Variants in TAX1BP1 observed in about 807,000 individuals in gnomAD.
The protein encoded by TAX1BP1 is tax1-binding protein 1.
A neutral mutation model predicts 97.7 loss-of-function variants in TAX1BP1; 62 were observed. The ratio of observed to expected loss-of-function variants is 0.63; its 90% confidence interval spans 0.52 to 0.78. The LOEUF is 0.78. TAX1BP1 is among the 30% of genes least tolerant of loss of function. TAX1BP1 has a pLI of 0.00. For missense variants in TAX1BP1, 867 were observed against 916.1 expected (o/e 0.95, Z 0.69); for synonymous variants, 340 against 304.2 (o/e 1.12, Z -1.23).
At chr7:27,805,279 T>A (rs1395339202) in intron 13 of TAX1BP1, among the ~76,000 whole-genome samples, 1 of 152,228 alleles carries the variant, frequency 6.6e-6, no homozygotes, top group Admixed American at 6.5e-5. Context: ...ACATCTTATC[T>A]TTTTTGTGAG....
chr7:27,818,635 A>G (rs1374109470), intron 15 of TAX1BP1, among the ~76,000 whole-genome samples: 1 of 152,158 alleles, frequency 6.6e-6, no homozygotes, highest in African/African-American at 2.4e-5. Flanking sequence ...ACTGTGGTCA[A>G]TTGTCAGATC....
rs144315820 is a variant in TAX1BP1, at chr7:27,760,051, G to A, written c.265+1918G>A. 2.0e-3 allele frequency among the ~76,000 whole-genome samples: 297 copies of A among 151,912 alleles called. 1 individual carries two copies. The highest frequency in any genetic ancestry group is 7.1e-3 in the Admixed American group (108 of 15,242). On this transcript the variant is annotated intron_variant, in intron 3 of 16. Transcript: ENST00000396319. The stretch of plus-strand genomic sequence containing the variant: ...GTATTTTTAATGGAGACGGGGTTTT[G>A]CCATGTTGGCCAGGCTGGTCTCAAA...
At chr7:27,761,840 C>A (rs1006915587) in intron 3 of TAX1BP1, among the ~76,000 whole-genome samples, 1 of 152,040 alleles carries the variant, frequency 6.6e-6, no homozygotes, top group African/African-American at 2.4e-5. Flanking sequence ...TGAGTAAATA[C>A]CAGGGAATGT....
At position 27,816,500 on chromosome 7, in the gene TAX1BP1, A is replaced by G. The variant is rs527909559; in HGVS notation, c.1916A>G (p.Tyr639Cys). The G allele has an allele frequency of 2.1e-5, 33 of 1,539,928 alleles. No individual in the cohort carries two copies. In the East Asian group the frequency reaches 6.9e-4, roughly 32 times the overall value. ...AQPVLQYGNP[Y>C]ASQETRDGAD... ...CCAGTTCTGCAATATGGTAATCCTT[A>G]TGCATCTCAGGAAACAAGAGGTTAT... is the stretch of plus-strand genomic sequence containing the variant. The change falls in exon 14 of 17, where the codon TAT (tyrosine) becomes TGT (cysteine). Residue 639 changes from tyrosine (Y) to cysteine (C), a missense_variant. By Grantham distance (194) the Tyr-to-Cys change is radical (BLOSUM62 -2). This residue lies in a region of TAX1BP1 where 822 missense variants were observed against 851.4 expected (regional missense o/e 0.97). Coordinates refer to ENST00000396319, the MANE Select transcript of TAX1BP1 (RefSeq NM_006024.7).
chr7:27,763,530 G>T (rs1373057136), intron 3 of TAX1BP1, among the ~76,000 whole-genome samples: 1 of 152,142 alleles, frequency 6.6e-6, no homozygotes, highest in African/African-American at 2.4e-5. Context: ...ACTTTGGGAG[G>T]CCGGGGCGGG....
chr7:27,827,642 ATCT>A (rs750304035), intron 15 of TAX1BP1, 93 bp from the exon 16 acceptor site: 28 of 946,244 alleles, frequency 3.0e-5, no homozygotes, highest in African/African-American at 2.5e-4. Flanking sequence ...CTGAAGTGTA[ATCT>A]TCTTTTATAC....
intron 7 of TAX1BP1, among the ~76,000 whole-genome samples, chr7:27,786,796 T>G (rs17613350): frequency 0.14 from 21,162 of 152,192 alleles, 1,728 homozygotes; most frequent in Middle Eastern, 0.19. Context: ...CTCAGTACTC[T>G]TAACGAAAGC....
intron 14 of TAX1BP1, 114 bp from the exon 15 acceptor site, chr7:27,816,776 C>CT: frequency 7.6e-7 from 1 of 1,307,688 alleles, no homozygotes; most frequent in Non-Finnish European, 1.0e-6. Flanking sequence ...ATAAAAACAT[C>CT]TATTTTTTTC....
intron 4 of TAX1BP1, among the ~76,000 whole-genome samples, chr7:27,767,104 A>G (rs567045829): frequency 2.0e-5 from 3 of 152,134 alleles, no homozygotes; most frequent in Non-Finnish European, 2.9e-5. Context: ...TTCTCATTTT[A>G]AGATCACATT....
intron 13 of TAX1BP1, among the ~76,000 whole-genome samples, chr7:27,812,698 C>T (rs1210494039): frequency 6.6e-6 from 1 of 152,034 alleles, no homozygotes. Context: ...TATAAGTACC[C>T]AGTTTTTAAA....
intron 5 of TAX1BP1, among the ~76,000 whole-genome samples, chr7:27,777,702 C>G (rs563976686): frequency 1.1e-3 from 160 of 152,318 alleles, no homozygotes; most frequent in African/African-American, 3.7e-3. Flanking sequence ...TTCCTAGACT[C>G]TCAGTTTCTC....
Position 27,800,021 on chromosome 7 carries a change from A to G in TAX1BP1, c.1695A>G (p.Lys565=), listed in dbSNP as rs1790071837. The G allele has an allele frequency of 1.2e-6, 2 of 1,605,492 alleles. No individual in the cohort carries two copies. Among genetic ancestry groups the G allele is most frequent in the Admixed American group, 1.7e-5 (1 of 58,578 alleles). Residue 565 remains lysine (K), a synonymous_variant, in exon 13 of 17, where the codon AAA becomes AAG. Coordinates refer to ENST00000396319, the MANE Select transcript of TAX1BP1 (RefSeq NM_006024.7). ...YADELAKMEL[K]WKEQVKIAEN... ...ATGAACTTGCAAAAATGGAGCTGAA[A>G]TGGAAAGAACAAGTGAAAATTGCTG...
intron 13 of TAX1BP1, among the ~76,000 whole-genome samples, chr7:27,803,466 T>C (rs1165942898): frequency 6.6e-6 from 1 of 152,254 alleles, no homozygotes; most frequent in Non-Finnish European, 1.5e-5. Context: ...GTGTGGTCTG[T>C]GGTCCTTTTG....
chr7:27,796,321 T>A (rs1789931265), intron 12 of TAX1BP1, 102 bp downstream of exon 12: 1 of 998,874 alleles, frequency 1.0e-6, no homozygotes, highest in Non-Finnish European at 1.4e-6. Flanking sequence ...TTCTTTTCCA[T>A]CTCCATATAG....
At chr7:27,748,897 C>G (rs942264676) in intron 2 of TAX1BP1, among the ~76,000 whole-genome samples, 1 of 152,170 alleles carries the variant, frequency 6.6e-6, no homozygotes, top group Admixed American at 6.5e-5. Context: ...GAAAGTTTAC[C>G]TTCACTTAAG....
chr7:27,820,150 C>T (rs1790920202), intron 15 of TAX1BP1, among the ~76,000 whole-genome samples: 1 of 152,202 alleles, frequency 6.6e-6, no homozygotes, highest in African/African-American at 2.4e-5. Context: ...ATTATCTCTT[C>T]CCTTAATTCA....
intron 1 of TAX1BP1, among the ~76,000 whole-genome samples, chr7:27,741,017 C>A (rs1787573977): frequency 2.0e-5 from 3 of 152,212 alleles, no homozygotes; most frequent in Admixed American, 1.3e-4. Flanking sequence ...GCTTAGCGTG[C>A]GTCTGTGTGG....
intron 8 of TAX1BP1, among the ~76,000 whole-genome samples, chr7:27,791,521 G>T (rs545711132): frequency 9.2e-4 from 140 of 152,122 alleles, no homozygotes; most frequent in African/African-American, 2.9e-3. Flanking sequence ...AATCTGTTCT[G>T]TGTTTTTATA....
chr7:27,757,170 G>A (rs34594641), intron 2 of TAX1BP1, among the ~76,000 whole-genome samples: 21,107 of 152,026 alleles, frequency 0.14, 1,719 homozygotes, highest in Middle Eastern at 0.19. Flanking sequence ...TGTGGCTGAT[G>A]CATAAATTTT....
Sources: gnomAD v4.1 joint callset for allele counts (sites outside exome capture counted in the v4.1 genomes callset) on GRCh38, gnomAD v4.1.1 for gene constraint, gnomAD v4.1.1 regional missense constraint, MANE v1.5 for transcripts, NCBI Gene and HGNC (gene_info 2026-07-23, HGNC 2026-07-21) for gene names.